The following ACOD1 variants were observed in gnomAD, a reference collection of about 807,000 sequenced individuals.
ACOD1 encodes aconitate decarboxylase 1.
A neutral mutation model predicts 14.2 loss-of-function variants in ACOD1; 14 were observed. The ratio of observed to expected loss-of-function variants is 0.99; its 90% confidence interval spans 0.65 to 1.54. The LOEUF is 1.54. ACOD1 is among the 40% of genes most tolerant of loss of function. ACOD1 has a pLI of 0.00. For missense variants in ACOD1, 530 were observed against 586.3 expected (o/e 0.90, Z 0.99); for synonymous variants, 182 against 221.7 (o/e 0.82, Z 1.59).
intron 4 of ACOD1, 46 bp downstream of exon 4, chr13:76,955,570 A>T: frequency 1.2e-5 from 18 of 1,482,906 alleles, no homozygotes; most frequent in Non-Finnish European, 1.7e-5. Context: ...CATCCCCTTC[A>T]TCTATCAATC....
chr13:76,957,706 T>G lies in ACOD1; in HGVS notation c.1167T>G (p.Ser389Arg). 6.4e-7 allele frequency: 1 copy of G among 1,550,624 alleles called. No homozygotes were observed. Among genetic ancestry groups the G allele is most frequent in the Non-Finnish European group, 8.7e-7 (1 of 1,146,988 alleles). ...PSFNILYCEI[S>R]VTLKDGATFT... ...TCAACATACTGTACTGTGAAATAAGTGTCACCCTCAAGGATGGAGCCACCT... is the reference window on the plus strand; with the variant it reads ...TCAACATACTGTACTGTGAAATAAGGGTCACCCTCAAGGATGGAGCCACCT... Residue 389 changes from serine (S) to arginine (R), a missense_variant, in exon 5 of 5, where the codon AGT (serine) becomes AGG (arginine). Coordinates refer to ENST00000377462, the MANE Select transcript of ACOD1 (RefSeq NM_001258406.2).
chr13:76,954,117 T>C (rs1245869631), intron 3 of ACOD1, among the ~76,000 whole-genome samples: 1 of 152,228 alleles, frequency 6.6e-6, no homozygotes, highest in Non-Finnish European at 1.5e-5. Flanking sequence ...AATGGCCTTA[T>C]AGTGTCTGTA....
At position 76,957,146 on chromosome 13, in the gene ACOD1, G is replaced by C; in HGVS notation, c.607G>C (p.Ala203Pro). ...SHAGAPMANAATQTKPLHIGN... is the reference protein window; with the variant it reads ...SHAGAPMANAPTQTKPLHIGN... ...TGCTGGGGCACCCATGGCCAATGCT[G>C]CCACCCAGACCAAGCCCCTCCACAT... Residue 203 changes from alanine (A) to proline (P), a missense_variant, in exon 5 of 5, where the codon GCC becomes CCC. Physicochemically the swap from Ala to Pro is conservative, Grantham distance 27 (BLOSUM62 -1). Coordinates refer to ENST00000377462, the MANE Select transcript of ACOD1 (RefSeq NM_001258406.2). 6.4e-7 allele frequency: 1 copy of C among 1,550,650 alleles called. No individual in the cohort carries two copies. Among genetic ancestry groups the C allele is most frequent in the Non-Finnish European group, 8.7e-7 (1 of 1,147,008 alleles).
At chr13:76,950,929 A>G (rs686323) in intron 1 of ACOD1, among the ~76,000 whole-genome samples, 94,146 of 151,788 alleles carry the variant, frequency 0.62, 30,149 homozygotes, top group Middle Eastern at 0.74. Flanking sequence ...CACAGCTGAA[A>G]GGAGCCAAAC....
rs889078932 is a variant in ACOD1 at position 76,957,744 on chromosome 13, C to T, written c.1205C>T (p.Ser402Phe). The change falls in exon 5 of 5, where the codon TCT becomes TTT. Residue 402 changes from serine (S) to phenylalanine (F), a missense_variant. Physicochemically the swap from Ser to Phe is radical, Grantham distance 155. Coordinates refer to ENST00000377462, the MANE Select transcript of ACOD1 (RefSeq NM_001258406.2). ...GATGGAGCCACCTTCACAGATCGCT[C>T]TGATACCTTCTATGGGCACTGGAGA... ...LKDGATFTDR[S>F]DTFYGHWRKP... 1.9e-6 allele frequency: 3 copies of T among 1,550,678 alleles called. No individual in the cohort carries two copies. In the Admixed American group the frequency reaches 5.9e-5, roughly 30 times the overall value.
chr13:76,950,199 C>A (rs1027979111), intron 1 of ACOD1, among the ~76,000 whole-genome samples: 1 of 152,134 alleles, frequency 6.6e-6, no homozygotes, highest in African/African-American at 2.4e-5. Flanking sequence ...TACCCCAGGT[C>A]CCCTAATCCA....
intron 1 of ACOD1, among the ~76,000 whole-genome samples, chr13:76,948,900 G>A (rs2137742377): frequency 6.6e-6 from 1 of 152,288 alleles, no homozygotes. Flanking sequence ...TATAAGATAA[G>A]CTTTTTGAGG....
Position 76,953,632 on chromosome 13 carries a change from G to A in ACOD1, c.207G>A (p.Trp69Ter). Reference sequence around the variant, plus strand: ...GTTCCAACATATCCAGCACTGTTTGGGGTCAGCCAGACATCAGGCTCCCGC... The same window carrying A: ...GTTCCAACATATCCAGCACTGTTTGAGGTCAGCCAGACATCAGGCTCCCGC... ...IYSSNISSTV[W>*]GQPDIRLPPT... The change falls in exon 3 of 5, where the codon TGG becomes TGA. Residue 69 changes from tryptophan to a stop codon, truncating the protein, a stop_gained. Transcript: ENST00000377462. LOFTEE classifies it high-confidence loss of function. 6 of 1,549,970 alleles carry A rather than the reference G, an allele frequency of 3.9e-6. No homozygotes were observed. The highest frequency in any genetic ancestry group is 4.4e-6 in the Non-Finnish European group (5 of 1,146,208).
At chr13:76,955,082 A>G (rs562586002) in intron 3 of ACOD1, among the ~76,000 whole-genome samples, 171 of 145,050 alleles carry the variant, frequency 1.2e-3, no homozygotes, top group African/African-American at 4.0e-3. Context: ...AGCCAGGATC[A>G]TGCCACTGCA....
At chr13:76,951,312 T>C (rs1268707102) in intron 1 of ACOD1, among the ~76,000 whole-genome samples, 1 of 152,206 alleles carries the variant, frequency 6.6e-6, no homozygotes, top group Non-Finnish European at 1.5e-5. Flanking sequence ...CTCAGCTCAC[T>C]GCAACCTCCG....
chr13:76,956,293 C>T (rs1010531421), intron 4 of ACOD1, among the ~76,000 whole-genome samples: 1 of 152,186 alleles, frequency 6.6e-6, no homozygotes, highest in African/African-American at 2.4e-5. Context: ...CCTCCGCCTC[C>T]TGGGTTCAAG....
Position 76,957,037 on chromosome 13 carries a change from G to A in ACOD1, c.498G>A (p.Thr166=), listed in dbSNP as rs141096966. Residue 166 remains threonine, a synonymous_variant, in exon 5 of 5, where the codon ACG becomes ACA. Coordinates refer to ENST00000377462, the MANE Select transcript of ACOD1 (RefSeq NM_001258406.2). Reference sequence around the variant, plus strand: ...TCCATCCCCCTTCCGTGGTAGGAACGTTGGGTAGTGCTGCTGCTGCATCCA... The same window carrying A: ...TCCATCCCCCTTCCGTGGTAGGAACATTGGGTAGTGCTGCTGCTGCATCCA... ...KRFHPPSVVG[T]LGSAAAASKF... is the part of the protein sequence containing the mutation. The A allele has an allele frequency of 3.0e-5, 46 of 1,549,970 alleles. No homozygotes were observed. The highest frequency in any genetic ancestry group is 1.2e-4 in the Admixed American group (6 of 50,936).
Position 76,952,051 on chromosome 13 carries a change from G to C in ACOD1, c.13-438G>C, listed in dbSNP as rs569423876. 2.0e-5 allele frequency among the ~76,000 whole-genome samples: 3 copies of C among 152,278 alleles called. No individual in the cohort carries two copies. The South Asian group carries it at 6.2e-4, about 32-fold the overall frequency. On this transcript the variant is annotated intron_variant, in intron 1 of 4. Transcript: ENST00000377462. ...CAAAAATAACTACCTAGAGACTTGT[G>C]GGTATTAAAAGGGTAATATATTTGA...
At chr13:76,949,293 G>T (rs1275624369) in intron 1 of ACOD1, among the ~76,000 whole-genome samples, 3 of 151,956 alleles carry the variant, frequency 2.0e-5, no homozygotes, top group Admixed American at 6.6e-5. Flanking sequence ...AAATTGATTT[G>T]TTCAGTGGCT....
rs2033867037 is a variant in ACOD1, at chr13:76,955,538, T to G, written c.470+14T>G. 5.2e-6 allele frequency: 8 copies of G among 1,547,814 alleles called. No homozygotes were observed. Among genetic ancestry groups the G allele is most frequent in the Middle Eastern group, 3.3e-4 (2 of 6,004 alleles). ...CATGCCAAAGAGGTATGGAGAGAAT[T>G]TGCCCCATCAAAAGGTAGTCACATC... On this transcript the variant is annotated intron_variant, in intron 4 of 4. Coordinates refer to ENST00000377462, the MANE Select transcript of ACOD1 (RefSeq NM_001258406.2).
chr13:76,949,650 C>T (rs1469464533), intron 1 of ACOD1, among the ~76,000 whole-genome samples: 3 of 152,094 alleles, frequency 2.0e-5, no homozygotes, highest in Non-Finnish European at 2.9e-5. Context: ...GTCTCACATT[C>T]CTCCATAAGA....
intron 1 of ACOD1, among the ~76,000 whole-genome samples, chr13:76,950,196 G>A (rs1318076870): frequency 6.6e-6 from 1 of 152,062 alleles, no homozygotes; most frequent in South Asian, 2.1e-4. Context: ...AGATACCCCA[G>A]GTCCCCTAAT....
At chr13:76,952,334 C>T in intron 1 of ACOD1, 155 bp from the exon 2 acceptor site, 3 of 512,454 alleles carry the variant, frequency 5.9e-6, no homozygotes, top group South Asian at 2.7e-5. Flanking sequence ...TAGTACACAT[C>T]TTTTTTTTTT....
intron 1 of ACOD1, among the ~76,000 whole-genome samples, chr13:76,949,261 G>A (rs555553726): frequency 2.6e-5 from 4 of 151,074 alleles, no homozygotes; most frequent in South Asian, 2.1e-4. Context: ...GCGAGACTCC[G>A]TCTTGAAAAA....
Sources: allele counts gnomAD v4.1 joint callset (sites outside exome capture counted in the v4.1 genomes callset), GRCh38; gene constraint gnomAD v4.1.1; transcripts MANE v1.5; gene names NCBI Gene and HGNC (gene_info 2026-07-23, HGNC 2026-07-21).